The following GET4 variants were observed in gnomAD, a reference collection of about 807,000 sequenced individuals.
GET4 encodes Golgi to ER traffic protein 4 homolog.
In GET4, 20 loss-of-function variants were observed where a neutral mutation model predicts 40.0. The observed-to-expected ratio is 0.50, with a 90% CI of 0.35 to 0.73. GET4 has a LOEUF of 0.73. Among genes scored for constraint, GET4 ranks in the 30% least tolerant of loss-of-function variants. The pLI, the probability that GET4 is intolerant of heterozygous loss-of-function variation, is 0.01. For synonymous variants in GET4, 280 were observed against 194.6 expected, an observed-to-expected ratio of 1.44 and a Z score of -3.65; for missense variants, 557 against 454.0, an observed-to-expected ratio of 1.23 and a Z score of -2.06.
At position 892,620 on chromosome 7, in the gene GET4, C is replaced by T. The variant is rs73042477; in HGVS notation, c.746+202C>T. 38,438 of 466,394 alleles carry T rather than the reference C, an allele frequency of 0.082. 2,031 individuals are homozygous for T. The highest frequency in any genetic ancestry group is 0.15 in the Admixed American group (4,147 of 27,130). The allele number at this position is 466,394 out of a possible 1,614,324, so 28.9% of individuals were successfully genotyped here. A position where few individuals can be genotyped will look rare whatever the true frequency, so the allele number is the denominator to read the frequency against. On this transcript the variant is annotated intron_variant, in intron 6 of 8. Transcript: ENST00000265857. ...TCTGTTGGGTGTAGACATGGTAGTG[C>T]GGGTAGCTGTGTGGGTGTATGTGCA...
chr7:884,097 T>A, intron 1 of GET4: 1 of 1,194,476 alleles, frequency 8.4e-7, no homozygotes, highest in Non-Finnish European at 1.1e-6. Flanking sequence ...CTTTTTTTCT[T>A]CTGGTTTCTA....
rs1393070220 is a variant in GET4, at chr7:893,754, T to C, written c.761T>C (p.Val254Ala). ...CTCTGTCCCAGTGGGAAGCTGACGG[T>C]GTTCACTGTGCTGTGTGAGCAGTAC... is the stretch of plus-strand genomic sequence containing the variant. ...LLAVDGGKLT[V>A]FTVLCEQYQP... The change falls in exon 7 of 9, where the codon GTG becomes GCG. Residue 254 changes from valine to alanine, a missense_variant. Physicochemically the swap from Val to Ala is moderately conservative, Grantham distance 64. Coordinates refer to ENST00000265857, the MANE Select transcript of GET4 (RefSeq NM_015949.3). 3.1e-6 allele frequency: 5 copies of C among 1,607,048 alleles called. No individual in the cohort carries two copies. The South Asian group carries it at 3.3e-5, about 11-fold the overall frequency.
chr7:888,538 T>G (rs1487970021), intron 4 of GET4, among the ~76,000 whole-genome samples: 2 of 152,180 alleles, frequency 1.3e-5, no homozygotes, highest in Non-Finnish European at 1.5e-5. Flanking sequence ...GAGGCTCTCC[T>G]CAGAGGAGCC....
Position 895,700 on chromosome 7 carries a change from T to TC in GET4, c.*281dup. ...CAGGCCTTACCGCGGCGTCACCCTCTCCCACTCCTTTGTTCTGGGTCCTTT... is the reference window on the plus strand; with the variant it reads ...CAGGCCTTACCGCGGCGTCACCCTCTCCCCACTCCTTTGTTCTGGGTCCTTT... On this transcript the variant is annotated 3_prime_UTR_variant, in exon 9 of 9. Transcript: ENST00000265857. 1 of 259,396 alleles carries TC rather than the reference T, an allele frequency of 3.9e-6. No individual in the cohort carries two copies. The highest frequency in any genetic ancestry group is 7.4e-6 in the Non-Finnish European group (1 of 135,338). 16.1% of individuals were successfully genotyped at this position (259,396 alleles called of 1,614,324 possible). A position where few individuals can be genotyped will look rare whatever the true frequency, so the allele number is the denominator to read the frequency against.
Position 893,833 on chromosome 7 carries a change from G to C in GET4, c.822+18G>C, listed in dbSNP as rs367907098. 647 of 1,608,954 alleles carry C rather than the reference G, an allele frequency of 4.0e-4. 3 individuals are homozygous for C. The South Asian group carries it at 5.8e-3, about 14-fold the overall frequency. On this transcript the variant is annotated intron_variant, in intron 7 of 8. Transcript: ENST00000265857. ...ACAACGAGGTGAGAGCTTGGGGCTG[G>C]GGAGGGAGGAGGGGACCCCACGGTC...
intron 8 of GET4, among the ~76,000 whole-genome samples, chr7:894,964 T>G (rs1020938204): frequency 1.3e-5 from 2 of 152,100 alleles, no homozygotes; most frequent in Admixed American, 1.3e-4. Context: ...GCCCCACTTC[T>G]CTGCTCAAAA....
intron 5 of GET4, 73 bp downstream of exon 5, chr7:891,139 T>C: frequency 8.1e-7 from 1 of 1,235,086 alleles, no homozygotes; most frequent in Non-Finnish European, 1.1e-6. Context: ...ACAGGTCCCC[T>C]TGTCCCCTGT....
At chr7:894,888 C>T (rs1844439185) in intron 8 of GET4, among the ~76,000 whole-genome samples, 1 of 152,174 alleles carries the variant, frequency 6.6e-6, no homozygotes, top group Non-Finnish European at 1.5e-5. Context: ...CCTGTGGGAG[C>T]AGCCGTTGAA....
intron 1 of GET4, chr7:884,513 C>A: frequency 2.4e-6 from 1 of 422,464 alleles, no homozygotes; most frequent in Non-Finnish European, 4.2e-6. Flanking sequence ...CGGGCTTTTC[C>A]CTCCTGGTGC....
chr7:876,568 C>T lies in GET4; in HGVS notation c.-78C>T, dbSNP rs1843936723. On this transcript the variant is annotated 5_prime_UTR_variant, in exon 1 of 9. Coordinates refer to ENST00000265857, the MANE Select transcript of GET4 (RefSeq NM_015949.3). ...CGGGCCACCGTAGAAGGGCGTCGGG[C>T]GGCCGTCGGGACGGAAGCCGGGAGG... The T allele has an allele frequency of 1.8e-6, 2 of 1,119,772 alleles. No homozygotes were observed. The highest frequency in any genetic ancestry group is 2.2e-6 in the Non-Finnish European group (2 of 911,148). 69.4% of individuals were successfully genotyped at this position (1,119,772 alleles called of 1,614,324 possible). A position where few individuals can be genotyped will look rare whatever the true frequency, so the allele number is the denominator to read the frequency against.
chr7:882,807 TGAG>T (rs1434762156), intron 1 of GET4: 1 of 152,360 alleles, frequency 6.6e-6, no homozygotes, highest in Admixed American at 6.5e-5. Flanking sequence ...ATCCAGGTCT[TGAG>T]GAGCCTCAGC....
Position 883,474 on chromosome 7 carries a change from A to G in GET4, c.156-2582A>G, listed in dbSNP as rs1171858801. 3 of 981,226 alleles carry G rather than the reference A, an allele frequency of 3.1e-6. No homozygotes were observed. In the African/African-American group the frequency reaches 5.2e-5, roughly 17 times the overall value. The allele number at this position is 981,226 out of a possible 1,614,324, so 60.8% of individuals were successfully genotyped here. On this transcript the variant is annotated intron_variant, in intron 1 of 8. Transcript: ENST00000265857. ...TTGCGTTTCTGTGTTCTGCTTTTTAATGTTTTTGTAAGAGAAGAGCAAAAT... is the reference window on the plus strand; with the variant it reads ...TTGCGTTTCTGTGTTCTGCTTTTTAGTGTTTTTGTAAGAGAAGAGCAAAAT...
At chr7:895,300 C>G (rs1385435893) in intron 8 of GET4, 34 bp from the exon 9 acceptor site, 1 of 1,110,536 alleles carries the variant, frequency 9.0e-7, no homozygotes, top group South Asian at 1.3e-5. Context: ...GGGAGGCTGC[C>G]CAGGCGTGAC....
At position 887,395 on chromosome 7, in the gene GET4, G is replaced by T. The variant is rs1434143772; in HGVS notation, c.342G>T (p.Leu114=). ...AAAATCTGGCTAAAGTGTTCAGCCT[G>T]ATGGACCCCAACTCTCCTGAGCGCG... ...LLENLAKVFS[L]MDPNSPERVT... Residue 114 remains leucine (L), a synonymous_variant, in exon 4 of 9, where the codon CTG becomes CTT. Transcript: ENST00000265857. 13 of 1,596,782 alleles carry T rather than the reference G, an allele frequency of 8.1e-6. No individual in the cohort carries two copies. The highest frequency in any genetic ancestry group is 1.1e-5 in the Non-Finnish European group (13 of 1,169,354).
chr7:895,452 TCGA>T lies in GET4; in HGVS notation c.*36_*38del, dbSNP rs1844458655. The T allele has an allele frequency of 2.5e-6, 3 of 1,202,908 alleles. No homozygotes were observed. Among genetic ancestry groups the T allele is most frequent in the Non-Finnish European group, 3.7e-6 (3 of 816,186 alleles). 74.5% of individuals were successfully genotyped at this position (1,202,908 alleles called of 1,614,324 possible). ...GCCAGGCCACGTGGAGACACCACGG[TCGA>T]CGACGGCTGGAGGGACGTTTCAGAG... On this transcript the variant is annotated 3_prime_UTR_variant, in exon 9 of 9. Transcript: ENST00000265857.
intron 5 of GET4, 61 bp from the exon 6 acceptor site, chr7:892,217 C>A (rs986169337): frequency 6.4e-7 from 1 of 1,554,416 alleles, no homozygotes; most frequent in Non-Finnish European, 8.8e-7. Context: ...GAGGCCGGCG[C>A]CTGTGCGGGC....
At chr7:892,492 G>A in intron 6 of GET4, 74 bp downstream of exon 6, 1 of 1,467,436 alleles carries the variant, frequency 6.8e-7, no homozygotes, top group Non-Finnish European at 9.4e-7. Context: ...GTGGATAGCT[G>A]TGTGGGTGTG....
At chr7:889,160 G>A (rs571632069) in intron 4 of GET4, among the ~76,000 whole-genome samples, 3 of 152,260 alleles carry the variant, frequency 2.0e-5, no homozygotes, top group East Asian at 1.9e-4. Context: ...GGCTGCGCTC[G>A]GCGCATCTGC....
Position 876,607 on chromosome 7 carries a change from G to T in GET4, c.-39G>T, listed in dbSNP as rs1248777990. 2.6e-6 allele frequency: 3 copies of T among 1,166,356 alleles called. No homozygotes were observed. The highest frequency in any genetic ancestry group is 3.2e-6 in the Non-Finnish European group (3 of 941,732). The allele number at this position is 1,166,356 out of a possible 1,614,324, so 72.3% of individuals were successfully genotyped here. On this transcript the variant is annotated 5_prime_UTR_variant, in exon 1 of 9. Coordinates refer to ENST00000265857, the MANE Select transcript of GET4 (RefSeq NM_015949.3). The stretch of plus-strand genomic sequence containing the variant: ...GAAGCCGGGAGGCGCTGCCGACCGC[G>T]CCTGCGACAGCGTCAGCCCTGCGCG...
Sources: allele counts gnomAD v4.1 joint callset (sites outside exome capture counted in the v4.1 genomes callset), GRCh38; gene constraint gnomAD v4.1.1; transcripts MANE v1.5; gene names NCBI Gene and HGNC (gene_info 2026-07-23, HGNC 2026-07-21).